The following USP29 variants were observed in gnomAD, a reference collection of about 807,000 sequenced individuals.
The protein encoded by USP29 is ubiquitin specific peptidase 29, also known as ubiquitin carboxyl-terminal hydrolase 29.
For synonymous variants in USP29, 386 were observed against 387.4 expected, an observed-to-expected ratio of 1.00 and a Z score of 0.04; for missense variants, 1,102 against 1,069.0, an observed-to-expected ratio of 1.03 and a Z score of -0.43.
chr19:57,130,703 G>T lies in USP29; in HGVS notation c.2028G>T (p.Arg676Ser). ...GGKLISSPDTRLVEVHLQEVP... is the reference protein window; with the variant it reads ...GGKLISSPDTSLVEVHLQEVP... ...AGCTGATCAGCAGCCCAGACACAAG[G>T]CTTGTCGAGGTTCATCTTCAAGAGG... is the stretch of plus-strand genomic sequence containing the variant. Residue 676 changes from arginine (R) to serine (S), a missense_variant, in exon 4 of 4, where the codon AGG (arginine) becomes AGT (serine). Physicochemically the swap from Arg to Ser is moderately radical, Grantham distance 110 (BLOSUM62 -1). Transcript: ENST00000254181. The T allele has an allele frequency of 6.2e-7, 1 of 1,614,170 alleles. No homozygotes were observed. Among genetic ancestry groups the T allele is most frequent in the African/African-American group, 1.3e-5 (1 of 75,044 alleles).
At position 57,129,162 on chromosome 19, in the gene USP29, G is replaced by C; in HGVS notation, c.487G>C (p.Glu163Gln). Residue 163 changes from glutamate to glutamine, a missense_variant, in exon 4 of 4, where the codon GAA (glutamate) becomes CAA (glutamine). Transcript: ENST00000254181. ...SPTHVKKGILENQGGKGQNTL... is the reference protein window; with the variant it reads ...SPTHVKKGILQNQGGKGQNTL... ...AACACATGTGAAAAAGGGGATATTA[G>C]AAAATCAAGGTGGGAAGGGGCAAAA... 6.2e-7 allele frequency: 1 copy of C among 1,613,596 alleles called. No homozygotes were observed. The highest frequency in any genetic ancestry group is 8.5e-7 in the Non-Finnish European group (1 of 1,179,722).
At chr19:57,123,297 C>T (rs2086807351) in intron 2 of USP29, among the ~76,000 whole-genome samples, 1 of 152,136 alleles carries the variant, frequency 6.6e-6, no homozygotes, top group Admixed American at 6.5e-5. Flanking sequence ...AACAATAAAC[C>T]TGTAATAAAA....
At chr19:57,120,824 G>C (rs941885267) in intron 1 of USP29, among the ~76,000 whole-genome samples, 2 of 125,124 alleles carry the variant, frequency 1.6e-5, no homozygotes, top group Admixed American at 1.7e-4. Flanking sequence ...CAGAAAAAAG[G>C]CCGGGCACGG....
chr19:57,127,093 G>A (rs922693516), intron 3 of USP29, among the ~76,000 whole-genome samples: 1 of 152,214 alleles, frequency 6.6e-6, no homozygotes, highest in African/African-American at 2.4e-5. Flanking sequence ...AGGCTGCAGA[G>A]CTGCAGAACA....
chr19:57,131,275 C>A lies in USP29; in HGVS notation c.2600C>A (p.Thr867Asn). Residue 867 changes from threonine (T) to asparagine (N), a missense_variant, in exon 4 of 4, where the codon ACC becomes AAC. Transcript: ENST00000254181. Reference protein sequence around the residue: ...NDLCVSEISETKMQEARLHSG... With the variant: ...NDLCVSEISENKMQEARLHSG... ...CTATGTGTATCAGAAATCTCAGAGA[C>A]CAAAATGCAGGAGGCGAGGCTTCAC... The A allele has an allele frequency of 1.2e-6, 2 of 1,614,158 alleles. No individual in the cohort carries two copies. Among genetic ancestry groups the A allele is most frequent in the East Asian group, 4.5e-5 (2 of 44,882 alleles).
Position 57,130,318 on chromosome 19 carries a change from C to T in USP29, c.1643C>T (p.Pro548Leu). The T allele has an allele frequency of 6.2e-7, 1 of 1,614,084 alleles. No individual in the cohort carries two copies. ...TATTGCAATGAAAGCACCAAACCAC[C>T]TCTTCCCTTGAGCAGTAGTGCACCT... ...SSYCNESTKP[P>L]LPLSSSAPVG... Residue 548 changes from proline to leucine, a missense_variant, in exon 4 of 4, where the codon CCT becomes CTT. Coordinates refer to ENST00000254181, the MANE Select transcript of USP29 (RefSeq NM_020903.3).
intron 2 of USP29, among the ~76,000 whole-genome samples, chr19:57,123,269 G>A (rs1451649637): frequency 6.6e-6 from 1 of 152,150 alleles, no homozygotes; most frequent in Non-Finnish European, 1.5e-5. Flanking sequence ...AAATCATATA[G>A]AGTGATGTAG....
rs766592226 is a variant in USP29 at position 57,129,139 on chromosome 19, C to A, written c.464C>A (p.Thr155Lys). ...CCTTTGTTTATGTCAAAATCACCAA[C>A]ACATGTGAAAAAGGGGATATTAGAA... The part of the protein sequence containing the change: ...KMPLFMSKSP[T>K]HVKKGILENQ... Residue 155 changes from threonine to lysine, a missense_variant, in exon 4 of 4, where the codon ACA (threonine) becomes AAA (lysine). Transcript: ENST00000254181. The A allele has an allele frequency of 4.3e-6, 7 of 1,612,690 alleles. 1 individual carries two copies. The South Asian group carries it at 6.6e-5, about 15-fold the overall frequency.
chr19:57,120,842 C>T (rs931934600), intron 1 of USP29, among the ~76,000 whole-genome samples: 2 of 145,618 alleles, frequency 1.4e-5, no homozygotes, highest in East Asian at 2.1e-4. Flanking sequence ...CGGTGGCTCA[C>T]TCCTGTAATT....
chr19:57,130,985 G>C lies in USP29; in HGVS notation c.2310G>C (p.Gln770His). ...AQEHTEETLN[Q>H]STELRLQKAD... ...AACATACAGAAGAGACCCTCAATCA[G>C]TCTACAGAATTAAGACTTCAAAAGG... The change falls in exon 4 of 4, where the codon CAG becomes CAC. Residue 770 changes from glutamine (Q) to histidine (H), a missense_variant. Physicochemically the swap from Gln to His is conservative, Grantham distance 24. Transcript: ENST00000254181. 2 of 1,614,182 alleles carry C rather than the reference G, an allele frequency of 1.2e-6. No individual in the cohort carries two copies. The highest frequency in any genetic ancestry group is 2.2e-5 in the South Asian group (2 of 91,070).
chr19:57,131,250 C>A lies in USP29; in HGVS notation c.2575C>A (p.Leu859Ile), dbSNP rs2086858770. 6.8e-6 allele frequency: 11 copies of A among 1,614,180 alleles called. No individual in the cohort carries two copies. The highest frequency in any genetic ancestry group is 7.6e-6 in the Non-Finnish European group (9 of 1,180,036). The change falls in exon 4 of 4, where the codon CTA becomes ATA. Residue 859 changes from leucine to isoleucine, a missense_variant. Leu to Ile is a conservative substitution (Grantham distance 5). Transcript: ENST00000254181. ...QKQAWFTYNDLCVSEISETKM... is the reference protein window; with the variant it reads ...QKQAWFTYNDICVSEISETKM... ...GCAGGCCTGGTTCACATACAACGAT[C>A]TATGTGTATCAGAAATCTCAGAGAC... is the stretch of plus-strand genomic sequence containing the variant.
In USP29 at chr19:57,121,366, TTATATACTTATATATGTTA is replaced by T. The variant is rs1473545379; in HGVS notation, c.-267-937_-267-919del. Among the ~76,000 whole-genome samples, 45 of 145,778 alleles carry T rather than the reference TTATATACTTATATATGTTA, an allele frequency of 3.1e-4. 1 individual carries two copies. Among genetic ancestry groups the T allele is most frequent in the African/African-American group, 9.7e-4 (39 of 40,076 alleles). On this transcript the variant is annotated intron_variant, in intron 1 of 3. Coordinates refer to ENST00000254181, the MANE Select transcript of USP29 (RefSeq NM_020903.3). ...CTTATATATGTTATATCTACTTATG[TTATATACTTATATATGTTA>T]TATATACTTATATATGTTATACATA...
chr19:57,126,889 T>C (rs2086827014), intron 3 of USP29, among the ~76,000 whole-genome samples: 1 of 152,214 alleles, frequency 6.6e-6, no homozygotes, highest in Admixed American at 6.5e-5. Flanking sequence ...CTCATCTTTG[T>C]GGATTTATCT....
chr19:57,120,809 A>AAAAAAAC (rs2086791322), intron 1 of USP29, among the ~76,000 whole-genome samples: 2 of 147,480 alleles, frequency 1.4e-5, no homozygotes, highest in Admixed American at 1.4e-4. Context: ...AAAAAAAAAA[A>AAAAAAAC]AAAACAGAAA....
In USP29 at chr19:57,131,736, A is replaced by C. The variant is rs114782903; in HGVS notation, c.*292A>C. 1,778 of 336,144 alleles carry C rather than the reference A, an allele frequency of 5.3e-3. 32 individuals carry two copies. The highest frequency in any genetic ancestry group is 0.034 in the African/African-American group (1,597 of 46,898). The allele number at this position is 336,144 out of a possible 1,614,324, so 20.8% of individuals were successfully genotyped here. A position where few individuals can be genotyped will look rare whatever the true frequency, so the allele number is the denominator to read the frequency against. ...CAGCAACAGCAACAGCTAGGGACTG[A>C]TTAGAAATGCAAATTCTTGGGTCAC... is the stretch of plus-strand genomic sequence containing the variant. On this transcript the variant is annotated 3_prime_UTR_variant, in exon 4 of 4. Coordinates refer to ENST00000254181, the MANE Select transcript of USP29 (RefSeq NM_020903.3).
intron 1 of USP29, among the ~76,000 whole-genome samples, chr19:57,121,613 G>T: frequency 7.0e-6 from 1 of 143,848 alleles, no homozygotes; most frequent in East Asian, 2.0e-4. Flanking sequence ...TGTTATATAT[G>T]CTTATATGTA....
Position 57,129,012 on chromosome 19 carries a change from TCTG to T in USP29, c.338_340del (p.Ser113_Asp114delinsTyr), listed in dbSNP as rs755212504. 1 of 1,613,942 alleles carries T rather than the reference TCTG, an allele frequency of 6.2e-7. No homozygotes were observed. The highest frequency in any genetic ancestry group is 1.3e-5 in the African/African-American group (1 of 74,902). On this transcript the variant is annotated inframe_deletion, in exon 4 of 4. Transcript: ENST00000254181. ...AAACAAATCTCAGCAACCCATGAAA[TCTG>T]ATGATGATTGGAGTGTGTTTGAAAG...
rs369856865 is a variant in USP29, at chr19:57,128,854, T to A, written c.179T>A (p.Val60Glu). The A allele has an allele frequency of 2.9e-5, 47 of 1,613,780 alleles. No individual in the cohort carries two copies. The highest frequency in any genetic ancestry group is 3.6e-5 in the Non-Finnish European group (43 of 1,179,972). Residue 60 changes from valine (V) to glutamate (E), a missense_variant, in exon 4 of 4, where the codon GTG becomes GAG. Transcript: ENST00000254181. ...IFQLSNNIRS[V>E]VLRHCKKRQS... ...CAGCTGAGCAACAACATTAGAAGTG[T>A]GGTCCTTAGACATTGTAAAAAAAGA...
rs553671474 is a variant in USP29 at position 57,130,500 on chromosome 19, G to T, written c.1825G>T (p.Asp609Tyr). 14 of 1,614,184 alleles carry T rather than the reference G, an allele frequency of 8.7e-6. No homozygotes were observed. The highest frequency in any genetic ancestry group is 1.1e-5 in the Non-Finnish European group (13 of 1,180,036). ...KNADLQRFQR[D>Y]CGDASQEQHQ... is the part of the protein sequence containing the mutation. ...TGCCGACCTACAAAGATTCCAGAGA[G>T]ACTGTGGAGATGCAAGCCAAGAGCA... Residue 609 changes from aspartate to tyrosine, a missense_variant, in exon 4 of 4, where the codon GAC (aspartate) becomes TAC (tyrosine). Physicochemically the swap from Asp to Tyr is radical, Grantham distance 160 (BLOSUM62 -3). Coordinates refer to ENST00000254181, the MANE Select transcript of USP29 (RefSeq NM_020903.3).
Sources: allele counts gnomAD v4.1 joint callset (sites outside exome capture counted in the v4.1 genomes callset), GRCh38; gene constraint gnomAD v4.1.1; transcripts MANE v1.5; gene names NCBI Gene and HGNC (gene_info 2026-07-23, HGNC 2026-07-21).